Variants in IL1RAPL1 observed in about 807,000 individuals in gnomAD.
The protein encoded by IL1RAPL1 is interleukin 1 receptor accessory protein like 1.
In IL1RAPL1, 3 loss-of-function variants were observed where a neutral mutation model predicts 48.4. The observed-to-expected ratio is 0.06, with a 90% CI of 0.03 to 0.16. The LOEUF is 0.16. IL1RAPL1 is among the 10% of genes least tolerant of loss of function. IL1RAPL1 has a pLI of 1.00. For synonymous variants in IL1RAPL1, 185 were observed against 187.7 expected, an observed-to-expected ratio of 0.99 and a Z score of 0.12; for missense variants, 349 against 530.6, an observed-to-expected ratio of 0.66 and a Z score of 3.36.
intron 1 of IL1RAPL1, among the ~76,000 whole-genome samples, chrX:28,716,745 G>GA (rs2146937522): frequency 9.0e-6 from 1 of 111,246 alleles, no homozygotes; most frequent in South Asian, 3.7e-4. Context: ...CAGAGTGAGA[G>GA]AAAAATTTTT....
intron 5 of IL1RAPL1, among the ~76,000 whole-genome samples, chrX:29,664,336 A>G (rs1925934726): frequency 9.4e-6 from 1 of 106,589 alleles, no homozygotes; most frequent in South Asian, 4.4e-4. Flanking sequence ...CCCAGGAGGC[A>G]GAGCTTGCAG....
intron 5 of IL1RAPL1, among the ~76,000 whole-genome samples, chrX:29,450,324 CACAT>C (rs1453109559): frequency 8.9e-6 from 1 of 112,023 alleles, no homozygotes; most frequent in Non-Finnish European, 1.9e-5. Flanking sequence ...TGTGGACACA[CACAT>C]ACATTCCCAA....
intron 1 of IL1RAPL1, among the ~76,000 whole-genome samples, chrX:28,732,067 A>G (rs1935762082): frequency 9.0e-6 from 1 of 111,672 alleles, no homozygotes; most frequent in African/African-American, 3.3e-5. Flanking sequence ...TTTAAGGCAG[A>G]GGATGACCTA....
rs1041159715 is a variant in IL1RAPL1, at chrX:29,284,283, C to T, written c.362+1066C>T. Reference sequence around the variant, plus strand: ...TTACCTGTAAGCTGAGCCATGGCTACGGGTGTGCTAGGACATTGAAATAGG... The same window carrying T: ...TTACCTGTAAGCTGAGCCATGGCTATGGGTGTGCTAGGACATTGAAATAGG... On this transcript the variant is annotated intron_variant, in intron 3 of 10. Coordinates refer to ENST00000378993, the MANE Select transcript of IL1RAPL1 (RefSeq NM_014271.4). Among the ~76,000 whole-genome samples, 11 of 111,967 alleles carry T rather than the reference C, an allele frequency of 9.8e-5. No individual in the cohort carries two copies. In the Admixed American group the frequency reaches 1.0e-3, roughly 11 times the overall value.
chrX:28,761,576 A>C (rs1936173009), intron 1 of IL1RAPL1, among the ~76,000 whole-genome samples: 1 of 111,073 alleles, frequency 9.0e-6, no homozygotes, highest in Non-Finnish European at 1.9e-5. Flanking sequence ...AACAGTAGGC[A>C]CTGGGGATTA....
chrX:29,324,997 C>A (rs1056516053), intron 3 of IL1RAPL1, among the ~76,000 whole-genome samples: 2 of 111,905 alleles, frequency 1.8e-5, no homozygotes, highest in Non-Finnish European at 3.8e-5. Flanking sequence ...TTGGGTTTAA[C>A]ATTTTTATAT....
At chrX:28,794,455 G>T (rs1936587660) in intron 2 of IL1RAPL1, among the ~76,000 whole-genome samples, 1 of 111,817 alleles carries the variant, frequency 8.9e-6, no homozygotes, top group Middle Eastern at 4.2e-3. Flanking sequence ...AGTGACTTCA[G>T]TATAGGAAAA....
intron 2 of IL1RAPL1, among the ~76,000 whole-genome samples, chrX:29,222,026 A>AAC (rs1181622785): frequency 8.3e-5 from 9 of 108,854 alleles, no homozygotes; most frequent in Non-Finnish European, 1.7e-4. Context: ...AAAAAAAAAA[A>AAC]AAAAAAAACC....
chrX:29,418,122 TATA>T (rs1191093865), intron 5 of IL1RAPL1, among the ~76,000 whole-genome samples: 333 of 32,950 alleles, frequency 0.01, 2 homozygotes, highest in East Asian at 0.022. Context: ...TATATATATA[TATA>T]TTTTTTTTTT....
chrX:29,724,871 T>C (rs545762914), intron 6 of IL1RAPL1, among the ~76,000 whole-genome samples: 3 of 112,216 alleles, frequency 2.7e-5, no homozygotes, highest in East Asian at 5.6e-4. Context: ...CTGCTACTAT[T>C]GTATTTGCTA....
chrX:29,047,792 C>T (rs1237745131), intron 2 of IL1RAPL1, among the ~76,000 whole-genome samples: 2 of 107,703 alleles, frequency 1.9e-5, no homozygotes, highest in African/African-American at 6.9e-5. Context: ...GGTGTGATCT[C>T]AGCTCACTGC....
chrX:28,801,369 T>C (rs1012235610), intron 2 of IL1RAPL1, among the ~76,000 whole-genome samples: 7 of 111,449 alleles, frequency 6.3e-5, no homozygotes, highest in African/African-American at 2.3e-4. Flanking sequence ...AAAACTTCTT[T>C]TAGCAAGAAT....
chrX:29,381,833 A>ATATATAT (rs1556002319), intron 3 of IL1RAPL1, among the ~76,000 whole-genome samples: 3 of 25,383 alleles, frequency 1.2e-4, no homozygotes, highest in African/African-American at 3.5e-4. Flanking sequence ...AAAAAAAAAA[A>ATATATAT]ATATATATAT....
intron 2 of IL1RAPL1, among the ~76,000 whole-genome samples, chrX:28,864,107 C>T (rs1233563477): frequency 9.0e-6 from 1 of 111,520 alleles, no homozygotes; most frequent in African/African-American, 3.3e-5. Flanking sequence ...TATCCAAAAC[C>T]TAAAATATTC....
At chrX:29,465,940 C>T in intron 5 of IL1RAPL1, among the ~76,000 whole-genome samples, 1 of 111,984 alleles carries the variant, frequency 8.9e-6, no homozygotes, top group Middle Eastern at 4.6e-3. Context: ...ATATGTGTCA[C>T]TCAGCCTCAG....
chrX:28,863,199 A>G (rs1336261600), intron 2 of IL1RAPL1, among the ~76,000 whole-genome samples: 4 of 111,608 alleles, frequency 3.6e-5, no homozygotes, highest in African/African-American at 1.3e-4. Context: ...GTATTATTAG[A>G]TTAAATTGGG....
At chrX:28,993,381 C>G (rs1032439529) in intron 2 of IL1RAPL1, among the ~76,000 whole-genome samples, 3 of 111,292 alleles carry the variant, frequency 2.7e-5, no homozygotes, top group Non-Finnish European at 5.6e-5. Flanking sequence ...TTGCCATTGT[C>G]CAGAGGAGAC....
At chrX:29,406,388 C>CA (rs5901920) in intron 5 of IL1RAPL1, among the ~76,000 whole-genome samples, 118 of 94,469 alleles carry the variant, frequency 1.2e-3, no homozygotes, top group Middle Eastern at 5.3e-3. Flanking sequence ...GACTCTGTCT[C>CA]AAAAAAAAAA....
At chrX:28,791,217 A>G (rs1028669265) in intron 2 of IL1RAPL1, among the ~76,000 whole-genome samples, 1 of 111,027 alleles carries the variant, frequency 9.0e-6, no homozygotes, top group African/African-American at 3.3e-5. Context: ...ATAACCTCTA[A>G]TTTGGGGGCA....
Sources: allele counts gnomAD v4.1 joint callset (sites outside exome capture counted in the v4.1 genomes callset), GRCh38; gene constraint gnomAD v4.1.1; transcripts MANE v1.5; gene names NCBI Gene and HGNC (gene_info 2026-07-23, HGNC 2026-07-21).